The following ACOXL variants were observed in gnomAD, a reference collection of about 807,000 sequenced individuals.
ACOXL encodes acyl-coenzyme A oxidase-like protein.
Under a neutral mutation model 71.9 loss-of-function variants are expected in ACOXL, and 70 were observed. The ratio of observed to expected loss-of-function variants is 0.97; its 90% CI spans 0.80 to 1.19. The LOEUF is 1.19. ACOXL is among the 50% of genes most tolerant of loss of function. The pLI is 0.00. For missense variants in ACOXL, 703 were observed against 736.3 expected (o/e 0.95, Z 0.52); for synonymous variants, 253 against 281.6 (o/e 0.90, Z 1.02).
chr2:111,022,424 C>G, intron 14 of ACOXL, among the ~76,000 whole-genome samples: 1 of 54,954 alleles, frequency 1.8e-5, no homozygotes, highest in African/African-American at 7.6e-5. Context: ...CCCCTCCTCA[C>G]ACACACACAC....
At chr2:110,968,835 G>A (rs2062051664) in intron 12 of ACOXL, 5 of 374,448 alleles carry the variant, frequency 1.3e-5, no homozygotes, top group Non-Finnish European at 2.4e-5. Flanking sequence ...TATTTAACAT[G>A]TATGGAACAC....
At chr2:110,751,344 G>A (rs1042502910) in intron 1 of ACOXL, among the ~76,000 whole-genome samples, 2 of 151,756 alleles carry the variant, frequency 1.3e-5, no homozygotes, top group African/African-American at 2.4e-5. Flanking sequence ...CACAAAAATG[G>A]GAAGACCTTG....
chr2:110,789,440 A>C (rs1438993491), intron 3 of ACOXL, among the ~76,000 whole-genome samples: 1 of 152,238 alleles, frequency 6.6e-6, no homozygotes, highest in Non-Finnish European at 1.5e-5. Flanking sequence ...GTTAAACAGC[A>C]GAAATTTATT....
chr2:110,817,686 G>C (rs1244640873), intron 9 of ACOXL, among the ~76,000 whole-genome samples: 1 of 152,182 alleles, frequency 6.6e-6, no homozygotes, highest in Middle Eastern at 3.2e-3. Context: ...TAGTTAGGGT[G>C]ATGGACATTG....
At chr2:110,778,758 T>A (rs939994366) in intron 2 of ACOXL, among the ~76,000 whole-genome samples, 7 of 152,262 alleles carry the variant, frequency 4.6e-5, no homozygotes, top group Admixed American at 3.3e-4. Context: ...GTGGTAGTAC[T>A]GCTTGACAAT....
At position 111,049,287 on chromosome 2, in the gene ACOXL, A is replaced by T. The variant is rs1459960948; in HGVS notation, c.1439A>T (p.Lys480Met). 1 of 1,605,224 alleles carries T rather than the reference A, an allele frequency of 6.2e-7. No individual in the cohort carries two copies. Among genetic ancestry groups the T allele is most frequent in the South Asian group, 1.1e-5 (1 of 90,888 alleles). The part of the protein sequence containing the change: ...PDQEDQTLLM[K>M]FCLLYGTKLV... ...CAAGAGGACCAGACTTTGTTAATGA[A>T]GGTAGGTTATCAGATAAAGAACTTA... Residue 480 changes from lysine (K) to methionine (M), a missense_variant and splice_region_variant, in exon 16 of 18, where the codon AAG (lysine) becomes ATG (methionine). Transcript: ENST00000439055.
chr2:110,960,474 T>A (rs1105601), intron 12 of ACOXL, among the ~76,000 whole-genome samples: 96,624 of 151,800 alleles, frequency 0.64, 30,926 homozygotes, highest in East Asian at 0.79. Flanking sequence ...ACAACATTCC[T>A]TGGCTCCTTT....
intron 8 of ACOXL, among the ~76,000 whole-genome samples, chr2:110,802,506 C>T (rs1452471955): frequency 6.6e-6 from 1 of 152,222 alleles, no homozygotes; most frequent in Non-Finnish European, 1.5e-5. Context: ...CCCTTGAATG[C>T]TTTACTCCTT....
Position 110,896,627 on chromosome 2 carries a change from A to G in ACOXL, c.789-12162A>G, listed in dbSNP as rs1215285572. Among the ~76,000 whole-genome samples the G allele has an allele frequency of 2.6e-5, 4 of 152,190 alleles. 1 individual carries two copies. Among genetic ancestry groups the G allele is most frequent in the Admixed American group, 6.5e-5 (1 of 15,278 alleles). Reference sequence around the variant, plus strand: ...TTTGGGGAAAAGTAAATTTTCAGAGATAATAAAAGGACTTTCAGTAATGAT... The same window carrying G: ...TTTGGGGAAAAGTAAATTTTCAGAGGTAATAAAAGGACTTTCAGTAATGAT... On this transcript the variant is annotated intron_variant, in intron 10 of 17. Transcript: ENST00000439055.
chr2:110,935,718 A>G (rs1320554360), intron 12 of ACOXL, among the ~76,000 whole-genome samples: 1 of 152,154 alleles, frequency 6.6e-6, no homozygotes, highest in Non-Finnish European at 1.5e-5. Flanking sequence ...CTGACACCAG[A>G]TGTGTGGCTT....
At chr2:110,925,869 T>C (rs2060250438) in intron 11 of ACOXL, among the ~76,000 whole-genome samples, 1 of 151,572 alleles carries the variant, frequency 6.6e-6, no homozygotes, top group African/African-American at 2.4e-5. Flanking sequence ...TTTTTTTTTT[T>C]TTTTTAAAGC....
chr2:111,079,823 C>CT (rs11334781), intron 16 of ACOXL, among the ~76,000 whole-genome samples: 16,955 of 139,714 alleles, frequency 0.12, 1,090 homozygotes, highest in Non-Finnish European at 0.15. Context: ...TAAGAGTCAC[C>CT]TTTTTTTTTT....
chr2:110,806,669 T>C (rs1318019967), intron 9 of ACOXL, among the ~76,000 whole-genome samples: 3 of 152,182 alleles, frequency 2.0e-5, no homozygotes, highest in East Asian at 1.9e-4. Context: ...TCCCCTCTAA[T>C]TGCAGTAGCC....
At chr2:111,104,917 G>A (rs1269915400) in intron 17 of ACOXL, among the ~76,000 whole-genome samples, 8 of 152,000 alleles carry the variant, frequency 5.3e-5, no homozygotes, top group Admixed American at 5.2e-4. Flanking sequence ...AGATCCTGAA[G>A]GTATTATCCT....
chr2:110,789,311 A>G (rs1684380858), intron 3 of ACOXL, among the ~76,000 whole-genome samples: 1 of 152,244 alleles, frequency 6.6e-6, no homozygotes, highest in South Asian at 2.1e-4. Flanking sequence ...GCTGAAAGAA[A>G]TGAGACATGC....
intron 12 of ACOXL, among the ~76,000 whole-genome samples, chr2:110,961,516 C>G (rs1280251976): frequency 6.6e-6 from 1 of 152,166 alleles, no homozygotes; most frequent in Non-Finnish European, 1.5e-5. Flanking sequence ...AACAAAGAGC[C>G]TGTTGCCCTC....
At chr2:110,955,470 A>G (rs1035850363) in intron 12 of ACOXL, among the ~76,000 whole-genome samples, 3 of 142,896 alleles carry the variant, frequency 2.1e-5, no homozygotes, top group Admixed American at 1.4e-4. Flanking sequence ...CTCGCCACCT[A>G]TGGTCTGTGT....
chr2:111,079,872 CAA>C (rs5833385), intron 16 of ACOXL, among the ~76,000 whole-genome samples: 19 of 129,128 alleles, frequency 1.5e-4, no homozygotes, highest in African/African-American at 3.6e-4. Flanking sequence ...TGTGAAAGGC[CAA>C]AAAAAAAAAA....
intron 2 of ACOXL, 131 bp downstream of exon 2, chr2:110,768,595 C>A (rs1173827501): frequency 1.3e-6 from 1 of 789,182 alleles, no homozygotes; most frequent in Non-Finnish European, 2.0e-6. Flanking sequence ...AGGTTTGTTA[C>A]ATGGGTAAAT....
Sources: allele counts gnomAD v4.1 joint callset (sites outside exome capture counted in the v4.1 genomes callset), GRCh38; gene constraint gnomAD v4.1.1; transcripts MANE v1.5; gene names NCBI Gene and HGNC (gene_info 2026-07-23, HGNC 2026-07-21).